USP8: variants seen among roughly 807,000 people sequenced by gnomAD.
USP8 encodes the protein ubiquitin carboxyl-terminal hydrolase 8.
In USP8, 27 loss-of-function variants were observed where a neutral mutation model predicts 130.0. The observed-to-expected ratio is 0.21, with a 90% confidence interval of 0.15 to 0.29. The LOEUF (loss-of-function observed/expected upper bound fraction) is 0.29, where lower values mean the gene tolerates loss of function less well. USP8 is among the 10% of genes least tolerant of loss of function. USP8 has a pLI of 1.00. For missense variants in USP8, 1,029 were observed against 1,312.2 expected (o/e 0.78, Z 3.33); for synonymous variants, 392 against 444.1 (o/e 0.88, Z 1.48).
At chr15:50,496,123 A>T in intron 17 of USP8, 39 bp downstream of exon 17, 1 of 1,488,828 alleles carries the variant, frequency 6.7e-7, no homozygotes, top group Non-Finnish European at 9.2e-7. Flanking sequence ...TTTATTGGAT[A>T]AAAATGCTGT....
Position 50,500,832 on chromosome 15 carries a change from A to G in USP8, c.*1744A>G, listed in dbSNP as rs1044696458. The G allele has an allele frequency of 3.6e-5, 57 of 1,578,640 alleles. No homozygotes were observed. Among genetic ancestry groups the G allele is most frequent in the Non-Finnish European group, 4.8e-5 (56 of 1,161,368 alleles). On this transcript the variant is annotated 3_prime_UTR_variant, in exon 20 of 20. Coordinates refer to ENST00000307179, the MANE Select transcript of USP8 (RefSeq NM_005154.5). Reference sequence around the variant, plus strand: ...AGTGGCCACCATCCAAATCACCAAAATGGTTCTATGGGAGAAAGGAATGTC... The same window carrying G: ...AGTGGCCACCATCCAAATCACCAAAGTGGTTCTATGGGAGAAAGGAATGTC...
Position 50,457,533 on chromosome 15 carries a change from G to A in USP8, c.336-1467G>A, listed in dbSNP as rs1361892033. Reference sequence around the variant, plus strand: ...AGATCATGGGACTGTACCCCAGCCTGGGTGACAGAGTGAGACTCTGTCTCA... The same window carrying A: ...AGATCATGGGACTGTACCCCAGCCTAGGTGACAGAGTGAGACTCTGTCTCA... On this transcript the variant is annotated intron_variant, in intron 4 of 19. Coordinates refer to ENST00000307179, the MANE Select transcript of USP8 (RefSeq NM_005154.5). 2.0e-5 allele frequency among the ~76,000 whole-genome samples: 3 copies of A among 150,596 alleles called. No individual in the cohort carries two copies. The Admixed American group carries it at 2.0e-4, about 10-fold the overall frequency.
At chr15:50,447,658 G>T (rs993841973) in intron 3 of USP8, among the ~76,000 whole-genome samples, 14 of 151,852 alleles carry the variant, frequency 9.2e-5, no homozygotes, top group African/African-American at 3.1e-4. Flanking sequence ...TGCCTCCCGG[G>T]TTCAGGTGAT....
Position 50,508,360 on chromosome 15 carries a change from A to G in USP8, c.*9272A>G, listed in dbSNP as rs920707901. ...GGGTCAGTATTAAGATGAATTGATC[A>G]TTTATTTTATATTCAAATATCTTGC... On this transcript the variant is annotated 3_prime_UTR_variant, in exon 20 of 20. Transcript: ENST00000307179. The G allele has an allele frequency of 6.6e-5, 10 of 152,212 alleles. No individual in the cohort carries two copies. Among genetic ancestry groups the G allele is most frequent in the African/African-American group, 2.2e-4 (9 of 41,468 alleles). 9.4% of individuals were successfully genotyped at this position (152,212 alleles called of 1,614,324 possible). A position where few individuals can be genotyped will look rare whatever the true frequency, so the allele number is the denominator to read the frequency against.
At chr15:50,493,495 G>C (rs1209744172) in intron 15 of USP8, 1 of 518,598 alleles carries the variant, frequency 1.9e-6, no homozygotes, top group African/African-American at 1.9e-5. Flanking sequence ...GCTCACACTG[G>C]TAATCCTAGC....
At chr15:50,427,648 C>T (rs1056453769) in intron 1 of USP8, among the ~76,000 whole-genome samples, 5 of 147,506 alleles carry the variant, frequency 3.4e-5, no homozygotes, top group Non-Finnish European at 3.0e-5. Flanking sequence ...CTGAAATGTC[C>T]GCCTCCTGGG....
At chr15:50,485,201 G>A (rs946033528) in intron 12 of USP8, among the ~76,000 whole-genome samples, 4 of 151,922 alleles carry the variant, frequency 2.6e-5, no homozygotes, top group Non-Finnish European at 2.9e-5. Flanking sequence ...GGTGGCTCAC[G>A]CTTGTAATCC....
intron 10 of USP8, among the ~76,000 whole-genome samples, chr15:50,480,177 A>T (rs959387295): frequency 1.3e-5 from 2 of 152,200 alleles, no homozygotes; most frequent in African/African-American, 4.8e-5. Flanking sequence ...CAGTATTCTC[A>T]AGAAATGATG....
At chr15:50,449,713 C>G (rs2050555443) in intron 4 of USP8, among the ~76,000 whole-genome samples, 1 of 151,272 alleles carries the variant, frequency 6.6e-6, no homozygotes, top group African/African-American at 2.4e-5. Context: ...TCCCAAGTAG[C>G]TGGGACTATA....
In USP8 at chr15:50,477,008, A is replaced by G. The variant is rs745409747; in HGVS notation, c.994+15A>G. 4 of 1,592,900 alleles carry G rather than the reference A, an allele frequency of 2.5e-6. No homozygotes were observed. Among genetic ancestry groups the G allele is most frequent in the South Asian group, 2.3e-5 (2 of 85,842 alleles). ...GTCTATCTCATGTATGTATGTGAAA[A>G]TTTTTGTTTAAAATTGCTTTGGTAA... On this transcript the variant is annotated intron_variant, in intron 9 of 19. Coordinates refer to ENST00000307179, the MANE Select transcript of USP8 (RefSeq NM_005154.5).
In USP8 at chr15:50,506,944, C is replaced by A. The variant is rs1243896101; in HGVS notation, c.*7856C>A. The A allele has an allele frequency of 5.9e-5, 6 of 101,886 alleles. No individual in the cohort carries two copies. Among genetic ancestry groups the A allele is most frequent in the African/African-American group, 2.5e-4 (6 of 24,428 alleles). 6.3% of individuals were successfully genotyped at this position (101,886 alleles called of 1,614,324 possible). A position where few individuals can be genotyped will look rare whatever the true frequency, so the allele number is the denominator to read the frequency against. ...CTGCATTCCAGCCTGGGCGACAGAGCGAGACTTCATCTCAAAAAAAAAAAA... is the reference window on the plus strand; with the variant it reads ...CTGCATTCCAGCCTGGGCGACAGAGAGAGACTTCATCTCAAAAAAAAAAAA... On this transcript the variant is annotated 3_prime_UTR_variant, in exon 20 of 20. Coordinates refer to ENST00000307179, the MANE Select transcript of USP8 (RefSeq NM_005154.5).
chr15:50,437,482 A>G (rs999575476), intron 1 of USP8, among the ~76,000 whole-genome samples: 37 of 152,326 alleles, frequency 2.4e-4, no homozygotes, highest in African/African-American at 8.4e-4. Flanking sequence ...GGATGGGCAG[A>G]AGATGATGAG....
At chr15:50,468,617 G>A (rs142686883) in intron 7 of USP8, among the ~76,000 whole-genome samples, 19 of 152,086 alleles carry the variant, frequency 1.2e-4, no homozygotes, top group African/African-American at 4.3e-4. Flanking sequence ...ACGTTTTCAC[G>A]GGGGTTTGTT....
At chr15:50,442,517 G>A (rs2050293557) in intron 3 of USP8, among the ~76,000 whole-genome samples, 1 of 152,132 alleles carries the variant, frequency 6.6e-6, no homozygotes, top group African/African-American at 2.4e-5. Flanking sequence ...GCCAAGGTGG[G>A]TGGATCACCT....
chr15:50,477,378 G>A lies in USP8; in HGVS notation c.1097G>A (p.Ser366Asn). The A allele has an allele frequency of 6.2e-7, 1 of 1,614,128 alleles. No homozygotes were observed. The highest frequency in any genetic ancestry group is 8.5e-7 in the Non-Finnish European group (1 of 1,180,030). ...GTAGATGAAAATATAGAATTGATAA[G>A]TGGTCAAAATGAGAGAATGGGACCA... Reference protein sequence around the residue: ...IEVDENIELISGQNERMGPLN... With the variant: ...IEVDENIELINGQNERMGPLN... The change falls in exon 10 of 20, where the codon AGT becomes AAT. Residue 366 changes from serine to asparagine, a missense_variant. Transcript: ENST00000307179.
Position 50,511,469 on chromosome 15 carries a change from A to G in USP8, c.*12381A>G, listed in dbSNP as rs1173882532. 6.6e-6 allele frequency: 1 copy of G among 152,246 alleles called. No homozygotes were observed. Among genetic ancestry groups the G allele is most frequent in the African/African-American group, 2.4e-5 (1 of 41,466 alleles). 9.4% of individuals were successfully genotyped at this position (152,246 alleles called of 1,614,324 possible). ...AACATGTTTACAGAAAATCCTGTAC[A>G]TAAATGTTCATAGCAGCATTACTGA... On this transcript the variant is annotated 3_prime_UTR_variant, in exon 20 of 20. Transcript: ENST00000307179.
At position 50,500,107 on chromosome 15, in the gene USP8, A is replaced by C. The variant is rs1279511945; in HGVS notation, c.*1019A>C. ...CACTCCATATAAAAATAAGATTCTA[A>C]AAGTGCTTCAGAAAGAGACCACCAT... On this transcript the variant is annotated 3_prime_UTR_variant, in exon 20 of 20. Transcript: ENST00000307179. 1 of 152,196 alleles carries C rather than the reference A, an allele frequency of 6.6e-6. No individual in the cohort carries two copies. Among genetic ancestry groups the C allele is most frequent in the African/African-American group, 2.4e-5 (1 of 41,424 alleles). 9.4% of individuals were successfully genotyped at this position (152,196 alleles called of 1,614,324 possible). A position where few individuals can be genotyped will look rare whatever the true frequency, so the allele number is the denominator to read the frequency against.
In USP8 at chr15:50,504,656, T is replaced by G. The variant is rs2052633437; in HGVS notation, c.*5568T>G. On this transcript the variant is annotated 3_prime_UTR_variant, in exon 20 of 20. Transcript: ENST00000307179. Reference sequence around the variant, plus strand: ...ACTGAGGTACAACTGTACTGGAAATTAACTTAATGAAGATATTAGGACACA... The same window carrying G: ...ACTGAGGTACAACTGTACTGGAAATGAACTTAATGAAGATATTAGGACACA... 1.3e-5 allele frequency: 2 copies of G among 151,018 alleles called. No homozygotes were observed. The highest frequency in any genetic ancestry group is 3.0e-5 in the Non-Finnish European group (2 of 67,400). The allele number at this position is 151,018 out of a possible 1,614,324, so 9.4% of individuals were successfully genotyped here.
At chr15:50,494,012 C>A in intron 15 of USP8, 58 bp from the exon 16 acceptor site, 1 of 1,568,008 alleles carries the variant, frequency 6.4e-7, no homozygotes, top group South Asian at 1.1e-5. Context: ...ATCTACTGTA[C>A]CTTGCTTAAC....
Sources: gnomAD v4.1 joint callset for allele counts (sites outside exome capture counted in the v4.1 genomes callset) on GRCh38, gnomAD v4.1.1 for gene constraint, MANE v1.5 for transcripts, NCBI Gene and HGNC (gene_info 2026-07-23, HGNC 2026-07-21) for gene names.